LRRK1: variants seen among roughly 807,000 people sequenced by gnomAD.
The protein encoded by LRRK1 is leucine rich repeat kinase 1, also known as leucine-rich repeat serine/threonine-protein kinase 1.
A neutral mutation model predicts 209.1 loss-of-function variants in LRRK1; 113 were observed. The ratio of observed to expected loss-of-function variants is 0.54; its 90% confidence interval spans 0.46 to 0.63. The LOEUF is 0.63. Ranked by LOEUF, LRRK1 falls within the 30% of genes least tolerant of loss-of-function variation. The pLI is 0.00. For synonymous variants in LRRK1, 1,144 were observed against 1,099.7 expected, an observed-to-expected ratio of 1.04 and a Z score of -0.80; for missense variants, 2,284 against 2,632.2, an observed-to-expected ratio of 0.87 and a Z score of 2.89.
At chr15:101,048,853 G>GC (rs1187692368) in intron 22 of LRRK1, among the ~76,000 whole-genome samples, 196 bp downstream of exon 22, 1 of 150,418 alleles carries the variant, frequency 6.6e-6, no homozygotes, top group Non-Finnish European at 1.5e-5. Context: ...CCCCTGCTGA[G>GC]CCCCCCTTGC....
rs1170795695 is a variant in LRRK1, at chr15:101,073,145, C to G, written c.*4297C>G. On this transcript the variant is annotated 3_prime_UTR_variant, in exon 34 of 34. Transcript: ENST00000388948. Reference sequence around the variant, plus strand: ...TCCCTCACTATCCCTCAACCTCTTTCTCCTTTCAATCTTGGCGCCACACTT... The same window carrying G: ...TCCCTCACTATCCCTCAACCTCTTTGTCCTTTCAATCTTGGCGCCACACTT... 1 of 154,120 alleles carries G rather than the reference C, an allele frequency of 6.5e-6. No individual in the cohort carries two copies. Among genetic ancestry groups the G allele is most frequent in the Non-Finnish European group, 1.4e-5 (1 of 69,460 alleles). 9.5% of individuals were successfully genotyped at this position (154,120 alleles called of 1,614,324 possible). A position where few individuals can be genotyped will look rare whatever the true frequency, so the allele number is the denominator to read the frequency against.
chr15:101,015,197 CCTG>C (rs2033473656), intron 11 of LRRK1, 126 bp from the exon 12 acceptor site: 1 of 705,050 alleles, frequency 1.4e-6, no homozygotes, highest in African/African-American at 1.8e-5. Flanking sequence ...AGCGTGCGCC[CCTG>C]CCAGGCCCTG....
Position 100,945,482 on chromosome 15 carries a change from C to CTTTTTT in LRRK1, c.97+20779_97+20784dup, listed in dbSNP as rs34038990. Among the ~76,000 whole-genome samples the CTTTTTT allele has an allele frequency of 8.3e-4, 53 of 63,606 alleles. 5 individuals carry two copies. The highest frequency in any genetic ancestry group is 2.3e-3 in the African/African-American group (36 of 15,360). 41.7% of individuals were successfully genotyped at this position (63,606 alleles called of 152,430 possible). A position where few individuals can be genotyped will look rare whatever the true frequency, so the allele number is the denominator to read the frequency against. ...TTTAAAAACTATCTCTGCAGAGCCTCTTTTTTTTTTTTTTTTTTTTTTTTT... is the reference window on the plus strand; with the variant it reads ...TTTAAAAACTATCTCTGCAGAGCCTCTTTTTTTTTTTTTTTTTTTTTTTTTTTTTTT... On this transcript the variant is annotated intron_variant, in intron 2 of 33. Transcript: ENST00000388948.
chr15:101,053,966 A>C (rs532928749), intron 26 of LRRK1, among the ~76,000 whole-genome samples: 2 of 152,266 alleles, frequency 1.3e-5, no homozygotes, highest in Admixed American at 6.5e-5. Context: ...ATGGAAGATA[A>C]TTTTTTAAAC....
intron 20 of LRRK1, among the ~76,000 whole-genome samples, chr15:101,030,226 C>A (rs913423861): frequency 1.3e-5 from 2 of 152,148 alleles, no homozygotes; most frequent in African/African-American, 4.8e-5. Flanking sequence ...CTCTCCTGTC[C>A]TCTGCTGACC....
chr15:101,056,202 T>C (rs1175291031), intron 27 of LRRK1, among the ~76,000 whole-genome samples: 2 of 152,244 alleles, frequency 1.3e-5, no homozygotes, highest in African/African-American at 4.8e-5. Context: ...CTGGACCTTT[T>C]TGATTATGAA....
rs187581801 is a variant in LRRK1 at position 101,022,949 on chromosome 15, C to G, written c.2067+352C>G. Among the ~76,000 whole-genome samples, 423 of 152,082 alleles carry G rather than the reference C, an allele frequency of 2.8e-3. 2 individuals carry two copies. The highest frequency in any genetic ancestry group is 4.6e-3 in the Non-Finnish European group (312 of 68,008). On this transcript the variant is annotated intron_variant, in intron 15 of 33. Coordinates refer to ENST00000388948, the MANE Select transcript of LRRK1 (RefSeq NM_024652.6). This position sits in a 1 kb window ranked among gnomAD's most constrained non-coding sequence, Gnocchi z 4.0. Reference sequence around the variant, plus strand: ...TACTTGAGGCTCTGGGACAGTGGTTCTTAACCCCGGCTGTCTGTTAGATTC... The same window carrying G: ...TACTTGAGGCTCTGGGACAGTGGTTGTTAACCCCGGCTGTCTGTTAGATTC...
chr15:101,068,923 C>G lies in LRRK1; in HGVS notation c.*75C>G. The G allele has an allele frequency of 1.4e-6, 2 of 1,409,318 alleles. No individual in the cohort carries two copies. The highest frequency in any genetic ancestry group is 2.4e-5 in the East Asian group (1 of 41,698). 87.3% of individuals were successfully genotyped at this position (1,409,318 alleles called of 1,614,324 possible). ...AGCCTGACCCCTCTGCCATCGGCCT[C>G]TAGTTCTCCAAGGACCTAGAAGACA... On this transcript the variant is annotated 3_prime_UTR_variant, in exon 34 of 34. Transcript: ENST00000388948.
chr15:101,052,925 C>A lies in LRRK1; in HGVS notation c.3693C>A (p.Leu1231=). 1.2e-6 allele frequency: 2 copies of A among 1,604,708 alleles called. No individual in the cohort carries two copies. The highest frequency in any genetic ancestry group is 2.7e-5 in the African/African-American group (2 of 74,928). The change falls in exon 25 of 34, where the codon CTC becomes CTA. Residue 1231 remains leucine (L), a synonymous_variant. Coordinates refer to ENST00000388948, the MANE Select transcript of LRRK1 (RefSeq NM_024652.6). ...ELFMTDFPAR[L]FLENSKLEHS... ...TGATGCCGGGCGTGTGTGGCAGGCT[C>A]TTCCTGGAGAACAGCAAGCTGGAGC...
chr15:100,972,353 A>T lies in LRRK1; in HGVS notation c.98-1451A>T, dbSNP rs1322783963. On this transcript the variant is annotated intron_variant, in intron 2 of 33. Transcript: ENST00000388948. ...ATATATATGAGAGAGAGAGAGAGAG[A>T]GAGAGAGAGAGTGTGTGTGTGTGTG... Among the ~76,000 whole-genome samples, 45 of 133,850 alleles carry T rather than the reference A, an allele frequency of 3.4e-4. 1 individual carries two copies. The highest frequency in any genetic ancestry group is 1.3e-3 in the African/African-American group (43 of 33,286). The allele number at this position is 133,850 out of a possible 152,430, so 87.8% of individuals were successfully genotyped here.
chr15:100,989,503 A>T (rs1314476952), intron 6 of LRRK1, 105 bp downstream of exon 6: 2 of 1,250,746 alleles, frequency 1.6e-6, no homozygotes, highest in African/African-American at 3.0e-5. Flanking sequence ...TATTTGGCTT[A>T]CAGGTCTGGA....
intron 2 of LRRK1, among the ~76,000 whole-genome samples, chr15:100,969,862 A>G (rs1404592516): frequency 2.0e-5 from 3 of 151,262 alleles, no homozygotes; most frequent in Non-Finnish European, 4.4e-5. Flanking sequence ...TCTATGGTGT[A>G]TATATGTATC....
chr15:101,008,899 C>T lies in LRRK1; in HGVS notation c.825C>T (p.Asp275=). The T allele has an allele frequency of 1.2e-6, 2 of 1,614,206 alleles. No individual in the cohort carries two copies. Among genetic ancestry groups the T allele is most frequent in the East Asian group, 2.2e-5 (1 of 44,884 alleles). ...GGGTAGACCTAGACTGGCTCATAGA[C>T]ATCTCCTGCCAGATCACGGAGCTCG... ...LPWVDLDWLI[D]ISCQITELDL... is the part of the protein sequence containing the mutation. The change falls in exon 7 of 34, where the codon GAC becomes GAT. Residue 275 remains aspartate, a synonymous_variant. Coordinates refer to ENST00000388948, the MANE Select transcript of LRRK1 (RefSeq NM_024652.6).
At chr15:100,994,649 C>T (rs760155197) in intron 6 of LRRK1, among the ~76,000 whole-genome samples, 64 of 152,142 alleles carry the variant, frequency 4.2e-4, no homozygotes, top group Admixed American at 1.6e-3. Flanking sequence ...GGCTCTGTTG[C>T]GTGGAATCAG....
chr15:100,960,746 T>C (rs2029888426), intron 2 of LRRK1, among the ~76,000 whole-genome samples: 1 of 152,170 alleles, frequency 6.6e-6, no homozygotes, highest in Non-Finnish European at 1.5e-5. Flanking sequence ...TACTAAATAT[T>C]TGTAGAACGA....
In LRRK1 at chr15:101,053,427, C is replaced by T. The variant is rs1489364373; in HGVS notation, c.4054+7C>T. The T allele has an allele frequency of 2.6e-6, 4 of 1,568,552 alleles. No homozygotes were observed. The highest frequency in any genetic ancestry group is 1.1e-5 in the South Asian group (1 of 88,192). On this transcript the variant is annotated splice_region_variant and intron_variant, in intron 26 of 33. Coordinates refer to ENST00000388948, the MANE Select transcript of LRRK1 (RefSeq NM_024652.6). ...CTGTCCGAGAACGCCAGAGGTACCG[C>T]GGCGCGCCGCCCCACCCGGCCCCGG...
intron 20 of LRRK1, chr15:101,043,595 G>A (rs1045988829): frequency 5.5e-5 from 8 of 144,688 alleles, no homozygotes; most frequent in South Asian, 2.2e-4. Flanking sequence ...TGTATAAAAC[G>A]TACACGTATT....
At position 101,048,730 on chromosome 15, in the gene LRRK1, G is replaced by A. The variant is rs370803165; in HGVS notation, c.3299+73G>A. The A allele has an allele frequency of 2.0e-4, 254 of 1,288,880 alleles. No individual in the cohort carries two copies. The African/African-American group carries it at 3.7e-3, about 19-fold the overall frequency. The allele number at this position is 1,288,880 out of a possible 1,614,324, so 79.8% of individuals were successfully genotyped here. A position where few individuals can be genotyped will look rare whatever the true frequency, so the allele number is the denominator to read the frequency against. On this transcript the variant is annotated intron_variant, in intron 22 of 33. Transcript: ENST00000388948. Reference sequence around the variant, plus strand: ...AGCCACCGCGGGGCCACGTCAGCAGGATGCCTCATCCTCTTGGTGTCCAGA... The same window carrying A: ...AGCCACCGCGGGGCCACGTCAGCAGAATGCCTCATCCTCTTGGTGTCCAGA...
In LRRK1 at chr15:100,919,678, G is replaced by T. The variant is rs374838875; in HGVS notation, c.-123+227G>T. Among the ~76,000 whole-genome samples the T allele has an allele frequency of 5.7e-4, 86 of 151,744 alleles. 3 individuals carry two copies. The East Asian group carries it at 0.012, about 21-fold the overall frequency. On this transcript the variant is annotated intron_variant, in intron 1 of 33. Transcript: ENST00000388948. The surrounding 1 kb of genome is among the most constrained non-coding windows in gnomAD (Gnocchi z 5.8). ...GGGGCGACCCCGGTCTCACGTCCCC[G>T]CTGCCTCCCGCCGCGCCCGGAGCCC...
Sources: gnomAD v4.1 joint callset for allele counts (sites outside exome capture counted in the v4.1 genomes callset) on GRCh38, gnomAD v4.1.1 for gene constraint, Gnocchi (gnomAD v3.1) non-coding constraint, MANE v1.5 for transcripts, NCBI Gene and HGNC (gene_info 2026-07-23, HGNC 2026-07-21) for gene names.